SLCO1A2: variants seen among roughly 807,000 people sequenced by gnomAD.
SLCO1A2 encodes the protein OATP-1.
SLCO1A2 carries 67 observed loss-of-function variants against 69.0 expected under a neutral mutation model. The observed-to-expected ratio is 0.97, with a 90% confidence interval of 0.80 to 1.19. SLCO1A2 has a LOEUF of 1.19. SLCO1A2 is among the 50% of genes most tolerant of loss of function. The pLI, the probability that SLCO1A2 is intolerant of heterozygous loss-of-function variation, is 0.00. For synonymous variants in SLCO1A2, 260 were observed against 265.9 expected, an observed-to-expected ratio of 0.98 and a Z score of 0.22; for missense variants, 787 against 793.7, an observed-to-expected ratio of 0.99 and a Z score of 0.10.
At position 21,378,145 on chromosome 12, in the gene SLCO1A2, G is replaced by T. The variant is rs1940341249; in HGVS notation, c.-189-3620C>A. The T allele has an allele frequency of 3.3e-6, 4 of 1,194,824 alleles. No individual in the cohort carries two copies. In the East Asian group the frequency reaches 9.4e-5, roughly 28 times the overall value. The allele number at this position is 1,194,824 out of a possible 1,614,324, so 74.0% of individuals were successfully genotyped here. The stretch of plus-strand genomic sequence containing the variant: ...TACTTATGTGAAAATTGTTTCTTTG[G>T]TTTTCATCAATACAAGATATTTGAT... On this transcript the variant is annotated intron_variant, in intron 1 of 15. Coordinates refer to the SLCO1A2 transcript ENST00000307378.
At chr12:21,414,244 C>T (rs1486932087) in intron 1 of SLCO1A2, among the ~76,000 whole-genome samples, 2 of 150,224 alleles carry the variant, frequency 1.3e-5, no homozygotes, top group Non-Finnish European at 3.0e-5. Flanking sequence ...AACAAAAGTG[C>T]TGGAATTAAA....
intron 2 of SLCO1A2, among the ~76,000 whole-genome samples, chr12:21,330,159 T>C (rs890079249): frequency 3.3e-5 from 5 of 152,034 alleles, no homozygotes; most frequent in Admixed American, 1.3e-4. Context: ...ATATTTTTCA[T>C]TTGCCTATTT....
At chr12:21,397,135 G>A (rs548037117), upstream of SLCO1A2, among the ~76,000 whole-genome samples, 17 of 152,172 alleles carry the variant, frequency 1.1e-4, no homozygotes, top group East Asian at 7.7e-4. Flanking sequence ...CCCATCTCAC[G>A]TGCAGAGACA....
chr12:21,339,337 AAG>A (rs1388790279), upstream of SLCO1A2, among the ~76,000 whole-genome samples: 1 of 151,968 alleles, frequency 6.6e-6, no homozygotes, highest in African/African-American at 2.4e-5. Context: ...AAGTAATAGA[AAG>A]AGGTGATTAA....
chr12:21,394,552 C>A (rs1399941119), intron 1 of SLCO1A2, among the ~76,000 whole-genome samples: 2 of 85,286 alleles, frequency 2.3e-5, no homozygotes, highest in African/African-American at 4.1e-5. Flanking sequence ...AAAAATAACA[C>A]ACGCACACAC....
intron 2 of SLCO1A2, among the ~76,000 whole-genome samples, chr12:21,363,236 G>T (rs961562137): frequency 6.6e-6 from 1 of 152,176 alleles, no homozygotes; most frequent in African/African-American, 2.4e-5. Flanking sequence ...TCAGGATTAA[G>T]AAACTCACTC....
At chr12:21,361,729 C>A (rs1332320827) in intron 2 of SLCO1A2, among the ~76,000 whole-genome samples, 4 of 152,102 alleles carry the variant, frequency 2.6e-5, no homozygotes, top group Non-Finnish European at 5.9e-5. Context: ...AATCATGGCA[C>A]AAGGACTACG....
chr12:21,373,797 T>C (rs1939983119), intron 2 of SLCO1A2: 1 of 653,168 alleles, frequency 1.5e-6, no homozygotes, highest in South Asian at 1.7e-5. Context: ...CTAAAGCATA[T>C]ATTTTTATAC....
At chr12:21,407,202 G>A (rs1335665531) in intron 1 of SLCO1A2, among the ~76,000 whole-genome samples, 1 of 152,176 alleles carries the variant, frequency 6.6e-6, no homozygotes, top group East Asian at 1.9e-4. Context: ...CAAAGCATAA[G>A]AAGGAAAAAA....
upstream of SLCO1A2, among the ~76,000 whole-genome samples, chr12:21,396,243 G>A (rs1375321640): frequency 2.6e-5 from 4 of 151,362 alleles, no homozygotes; most frequent in Admixed American, 6.6e-5. Context: ...CTCAGGAGCC[G>A]ATGCGATCAA....
At chr12:21,318,279 C>G (rs148404960) in intron 3 of SLCO1A2, among the ~76,000 whole-genome samples, 3 of 151,986 alleles carry the variant, frequency 2.0e-5, no homozygotes, top group African/African-American at 7.2e-5. Flanking sequence ...CCACCATACC[C>G]GGCCAATTTG....
intron 2 of SLCO1A2, among the ~76,000 whole-genome samples, chr12:21,322,120 T>G (rs1184971045): frequency 3.9e-5 from 6 of 152,238 alleles, no homozygotes; most frequent in Middle Eastern, 3.2e-3. Flanking sequence ...TATACTGTTT[T>G]CATCCATCTG....
At chr12:21,382,773 C>T (rs1215273014) in intron 1 of SLCO1A2, among the ~76,000 whole-genome samples, 24 of 130,830 alleles carry the variant, frequency 1.8e-4, no homozygotes, top group African/African-American at 4.1e-4. Context: ...CCAGCCTGGG[C>T]GACAGAAGAA....
At chr12:21,299,240 G>T (rs1187677806) in intron 8 of SLCO1A2, among the ~76,000 whole-genome samples, 1 of 152,008 alleles carries the variant, frequency 6.6e-6, no homozygotes, top group Non-Finnish European at 1.5e-5. Context: ...AATTTCCTAG[G>T]TGATTCCAAT....
intron 4 of SLCO1A2, chr12:21,311,849 C>T (rs1330228070): frequency 6.6e-6 from 1 of 152,636 alleles, no homozygotes; most frequent in African/African-American, 2.4e-5. Context: ...TTGCTTCAAC[C>T]CAGGAGTCAA....
chr12:21,299,867 C>CGT (rs1266469053), intron 8 of SLCO1A2, among the ~76,000 whole-genome samples: 2 of 105,482 alleles, frequency 1.9e-5, no homozygotes, highest in South Asian at 3.2e-4. Flanking sequence ...TATATATATA[C>CGT]GTGTGTGTAT....
chr12:21,279,089 A>G (rs1282751733), intron 12 of SLCO1A2, among the ~76,000 whole-genome samples: 1 of 152,090 alleles, frequency 6.6e-6, no homozygotes, highest in Admixed American at 6.6e-5. Context: ...ATCTCTTAAT[A>G]GCAGAATTTA....
chr12:21,355,284 T>G (rs1408613726), intron 2 of SLCO1A2, among the ~76,000 whole-genome samples: 1 of 152,124 alleles, frequency 6.6e-6, no homozygotes, highest in Non-Finnish European at 1.5e-5. Context: ...CATCACTATT[T>G]CCTGAAGTAT....
At chr12:21,353,425 A>G (rs189847522) in intron 2 of SLCO1A2, among the ~76,000 whole-genome samples, 1 of 152,088 alleles carries the variant, frequency 6.6e-6, no homozygotes, top group African/African-American at 2.4e-5. Flanking sequence ...GACTTCTACT[A>G]TATGGAAGGT....
Sources: allele counts gnomAD v4.1 joint callset (sites outside exome capture counted in the v4.1 genomes callset), GRCh38; gene constraint gnomAD v4.1.1; transcripts MANE v1.5; gene names NCBI Gene and HGNC (gene_info 2026-07-23, HGNC 2026-07-21).